COL6A2: variants seen among roughly 807,000 people sequenced by gnomAD.
COL6A2 encodes collagen type VI alpha 2 chain.
Under a neutral mutation model 124.9 loss-of-function variants are expected in COL6A2, and 90 were observed. That is an observed-to-expected ratio of 0.72 (90% CI 0.61 to 0.86). COL6A2 has a LOEUF of 0.86. Among genes scored for constraint, COL6A2 ranks in the 40% least tolerant of loss-of-function variants. The pLI is 0.00. For missense variants in COL6A2, 1,607 were observed against 1,502.5 expected, an observed-to-expected ratio of 1.07 and a Z score of -1.15; for synonymous variants, 793 against 618.2, an observed-to-expected ratio of 1.28 and a Z score of -4.19.
rs202088546 is a variant in COL6A2 at position 46,116,356 on chromosome 21, C to T, written c.901-21C>T. 6 of 1,612,768 alleles carry T rather than the reference C, an allele frequency of 3.7e-6. No homozygotes were observed. In the East Asian group the frequency reaches 1.3e-4, roughly 36 times the overall value. The stretch of plus-strand genomic sequence containing the variant: ...CTCTGCAGAGCTCCTCACTAATGCC[C>T]CTCTCTCCTCCTGCCCCCAGGGCGT... On this transcript the variant is annotated intron_variant, in intron 7 of 27. Transcript: ENST00000300527. This position sits in a 1 kb window ranked among gnomAD's most constrained non-coding sequence, Gnocchi z 4.6.
chr21:46,128,414 G>A (rs146022369), intron 27 of COL6A2, among the ~76,000 whole-genome samples: 84 of 152,346 alleles, frequency 5.5e-4, no homozygotes, highest in African/African-American at 1.7e-3. Context: ...GTGTTAAATC[G>A]GCTTTCACCA....
At chr21:46,106,774 C>T (rs1370205287) in intron 1 of COL6A2, among the ~76,000 whole-genome samples, 1 of 152,188 alleles carries the variant, frequency 6.6e-6, no homozygotes, top group East Asian at 1.9e-4. Context: ...TTGGCCTGTT[C>T]CAGCACCAAA....
chr21:46,118,565 C>T, intron 12 of COL6A2, 49 bp from the exon 13 acceptor site: 1 of 1,591,890 alleles, frequency 6.3e-7, no homozygotes, highest in East Asian at 2.2e-5. Context: ...ATCCTGCACC[C>T]CCCTTCCCCT....
chr21:46,102,838 G>A (rs912816906), intron 1 of COL6A2, among the ~76,000 whole-genome samples: 1 of 151,950 alleles, frequency 6.6e-6, no homozygotes, highest in Non-Finnish European at 1.5e-5. Flanking sequence ...TTTTGTTTAG[G>A]ATTTTTGCAT....
rs1427438345 is a variant in COL6A2 at position 46,117,595 on chromosome 21, C to G, written c.1053+142C>G. 3 of 908,030 alleles carry G rather than the reference C, an allele frequency of 3.3e-6. No individual in the cohort carries two copies. In the East Asian group the frequency reaches 7.9e-5, roughly 24 times the overall value. 56.2% of individuals were successfully genotyped at this position (908,030 alleles called of 1,614,324 possible). ...CCCCAGCCCAGCAGCCCCAGCCCAG[C>G]ATTCTGCCGGGTCGGAGTCATGTGA... On this transcript the variant is annotated intron_variant, in intron 11 of 27. Transcript: ENST00000300527.
chr21:46,132,568 C>A lies in COL6A2; in HGVS notation c.*16C>A. 1 of 1,578,856 alleles carries A rather than the reference C, an allele frequency of 6.3e-7. No homozygotes were observed. The highest frequency in any genetic ancestry group is 1.1e-5 in the South Asian group (1 of 88,208). Reference sequence around the variant, plus strand: ...GATCTGCTAGCGCCGCCGCCCGGGCCCCGCAGTCGAGGGTCGTGAGCCCAC... The same window carrying A: ...GATCTGCTAGCGCCGCCGCCCGGGCACCGCAGTCGAGGGTCGTGAGCCCAC... On this transcript the variant is annotated 3_prime_UTR_variant, in exon 28 of 28. Transcript: ENST00000300527.
chr21:46,126,469 C>A, intron 26 of COL6A2, 34 bp from the exon 27 acceptor site: 2 of 1,612,154 alleles, frequency 1.2e-6, no homozygotes, highest in South Asian at 2.2e-5. Flanking sequence ...AGGGACTGAC[C>A]CTGGCCTGGC....
At chr21:46,126,896 G>A (rs932805965) in intron 27 of COL6A2, among the ~76,000 whole-genome samples, 4 of 152,152 alleles carry the variant, frequency 2.6e-5, no homozygotes, top group African/African-American at 4.8e-5. Context: ...TGTGCCACTC[G>A]GAGGAAGCCC....
rs1395592908 is a variant in COL6A2 at position 46,116,702 on chromosome 21, C to G, written c.954+25C>G. 6.2e-7 allele frequency: 1 copy of G among 1,612,872 alleles called. No homozygotes were observed. The highest frequency in any genetic ancestry group is 8.5e-7 in the Non-Finnish European group (1 of 1,180,020). ...GGTAGGCTGGCTGGGTAGGCAGAGCCCCTCCTTCCTGCTGCTCAGGGCAGA... is the reference window on the plus strand; with the variant it reads ...GGTAGGCTGGCTGGGTAGGCAGAGCGCCTCCTTCCTGCTGCTCAGGGCAGA... On this transcript the variant is annotated intron_variant, in intron 9 of 27. Coordinates refer to ENST00000300527, the MANE Select transcript of COL6A2 (RefSeq NM_001849.4). The surrounding 1 kb of genome is among the most constrained non-coding windows in gnomAD (Gnocchi z 4.6).
intron 23 of COL6A2, 91 bp downstream of exon 23, chr21:46,125,011 G>C (rs1178891523): frequency 3.0e-5 from 45 of 1,493,148 alleles, no homozygotes; most frequent in Non-Finnish European, 3.8e-5. Context: ...AGCTGGCACG[G>C]TCAGAGAGCA....
chr21:46,119,046 G>T lies in COL6A2; in HGVS notation c.1196G>T (p.Ser399Ile), dbSNP rs2839110. Residue 399 changes from serine to isoleucine, a missense_variant, in exon 14 of 28, where the codon AGT becomes ATT. Physicochemically the swap from Ser to Ile is moderately radical, Grantham distance 142. This residue lies in a region of COL6A2 where 1,223 missense variants were observed against 1,052.2 expected (regional missense o/e 1.16). Transcript: ENST00000300527. ...CTTCTTCAGGGGTATCAAGGCAACAGTGGAGCCCCAGGAAGTCCTGGTGTG... is the reference window on the plus strand; with the variant it reads ...CTTCTTCAGGGGTATCAAGGCAACATTGGAGCCCCAGGAAGTCCTGGTGTG... ...AKGSKGYQGN[S>I]GAPGSPGVKG... 2 of 1,612,494 alleles carry T rather than the reference G, an allele frequency of 1.2e-6. No homozygotes were observed. Among genetic ancestry groups the T allele is most frequent in the Admixed American group, 3.3e-5 (2 of 60,000 alleles).
At chr21:46,100,941 A>AT (rs1271898048) in intron 1 of COL6A2, among the ~76,000 whole-genome samples, 1 of 152,010 alleles carries the variant, frequency 6.6e-6, no homozygotes, top group African/African-American at 2.4e-5. Context: ...GGATCATTTG[A>AT]TTTTTTCATT....
In COL6A2 at chr21:46,120,528, C is replaced by A; in HGVS notation, c.1346C>A (p.Pro449His). The A allele has an allele frequency of 6.7e-7, 1 of 1,494,268 alleles. No individual in the cohort carries two copies. Among genetic ancestry groups the A allele is most frequent in the Non-Finnish European group, 8.9e-7 (1 of 1,124,470 alleles). The allele number at this position is 1,494,268 out of a possible 1,614,324, so 92.6% of individuals were successfully genotyped here. A position where few individuals can be genotyped will look rare whatever the true frequency, so the allele number is the denominator to read the frequency against. The change falls in exon 16 of 28, where the codon CCT (proline) becomes CAT (histidine). Residue 449 changes from proline to histidine, a missense_variant. Coordinates refer to ENST00000300527, the MANE Select transcript of COL6A2 (RefSeq NM_001849.4). The stretch of plus-strand genomic sequence containing the variant: ...CCCTTCCCACAGGGGGACCCTGGCC[C>A]TGAGGGGCCCCGCGGCCTGGCTGGA... ...GPKGEKGDPGPEGPRGLAGEV... is the reference protein window; with the variant it reads ...GPKGEKGDPGHEGPRGLAGEV...
intron 14 of COL6A2, 35 bp downstream of exon 14, chr21:46,119,154 T>G: frequency 6.6e-7 from 1 of 1,506,234 alleles, no homozygotes; most frequent in Middle Eastern, 2.1e-4. Flanking sequence ...AGGGCCCCGC[T>G]CTGGGCATCC....
At chr21:46,128,946 C>T (rs769285205) in intron 27 of COL6A2, 42 of 1,611,256 alleles carry the variant, frequency 2.6e-5, no homozygotes, top group Admixed American at 2.3e-4. Context: ...TCTCGGGGTC[C>T]GTGGTGTCCC....
intron 1 of COL6A2, among the ~76,000 whole-genome samples, chr21:46,100,831 T>C (rs1185963680): frequency 6.6e-6 from 1 of 152,246 alleles, no homozygotes; most frequent in Admixed American, 6.5e-5. Context: ...CTTCCACGTT[T>C]GAGCTACTGT....
At chr21:46,128,245 G>T (rs2078703566) in intron 27 of COL6A2, among the ~76,000 whole-genome samples, 1 of 152,156 alleles carries the variant, frequency 6.6e-6, no homozygotes, top group Admixed American at 6.5e-5. Context: ...AGGCCTCCAG[G>T]ACCTGACAGT....
At chr21:46,101,096 A>C (rs1175375755) in intron 1 of COL6A2, among the ~76,000 whole-genome samples, 3 of 151,918 alleles carry the variant, frequency 2.0e-5, no homozygotes, top group African/African-American at 7.3e-5. Context: ...TTAAATGTTA[A>C]CCATCCTAAT....
rs746682557 is a variant in COL6A2, at chr21:46,129,513, G to T, written c.2462-2441G>T. 75 of 1,535,094 alleles carry T rather than the reference G, an allele frequency of 4.9e-5. No homozygotes were observed. The South Asian group carries it at 9.3e-4, about 19-fold the overall frequency. ...CTAAAGCCCGGGCACCCGCCCAGCC[G>T]GGCTGGGCCCTCCCTGCCACACTAG... On this transcript the variant is annotated intron_variant, in intron 27 of 27. Transcript: ENST00000300527.
Sources: allele counts gnomAD v4.1 joint callset (sites outside exome capture counted in the v4.1 genomes callset), GRCh38; gene constraint gnomAD v4.1.1; regional missense constraint gnomAD v4.1.1; non-coding constraint Gnocchi (gnomAD v3.1); transcripts MANE v1.5; gene names NCBI Gene and HGNC (gene_info 2026-07-23, HGNC 2026-07-21).